NBEA: variants seen among roughly 807,000 people sequenced by gnomAD.
NBEA encodes the protein neurobeachin, also known as lysosomal-trafficking regulator 2.
NBEA carries 44 observed loss-of-function variants against 343.4 expected under a neutral mutation model. The ratio of observed to expected loss-of-function variants is 0.13; its 90% CI spans 0.10 to 0.16. The LOEUF (loss-of-function observed/expected upper bound fraction) is 0.16. Ranked by LOEUF, NBEA falls within the 10% of genes least tolerant of loss-of-function variation. NBEA has a pLI of 1.00. For missense variants in NBEA, 2,555 were observed against 3,631.3 expected (o/e 0.70, Z 7.62); for synonymous variants, 1,175 against 1,238.7 (o/e 0.95, Z 1.08).
intron 38 of NBEA, among the ~76,000 whole-genome samples, chr13:35,382,646 T>G (rs2042070889): frequency 6.6e-6 from 1 of 152,178 alleles, no homozygotes; most frequent in Non-Finnish European, 1.5e-5. Flanking sequence ...ATATGCACAG[T>G]GTTAATCTCT....
At chr13:35,430,481 G>A (rs2045030507) in intron 38 of NBEA, among the ~76,000 whole-genome samples, 1 of 151,930 alleles carries the variant, frequency 6.6e-6, no homozygotes, top group African/African-American at 2.4e-5. Flanking sequence ...TCTTTTTGTT[G>A]CACTTACTTC....
rs1382510245 is a variant in NBEA, at chr13:35,339,612, G to T, written c.5904-9496G>T. 2.0e-5 allele frequency among the ~76,000 whole-genome samples: 3 copies of T among 152,124 alleles called. No homozygotes were observed. In the East Asian group the frequency reaches 5.8e-4, roughly 30 times the overall value. The stretch of plus-strand genomic sequence containing the variant: ...GAAAAGAGGTTTAATTGGCTCTTCT[G>T]CAGGCTGTAAAGGAAGCATAATGCT... On this transcript the variant is annotated intron_variant, in intron 36 of 58. Coordinates refer to ENST00000379939, the MANE Select transcript of NBEA (RefSeq NM_001385012.1).
rs532047296 is a variant in NBEA at position 35,548,952 on chromosome 13, G to A, written c.6586-1525G>A. ...AATGGAACTTAATAGCCAGGGTCAT[G>A]TACTTTATGTTCTTTGTCTCTGCTT... On this transcript the variant is annotated intron_variant, in intron 41 of 58. Transcript: ENST00000379939. Among the ~76,000 whole-genome samples, 9 of 152,156 alleles carry A rather than the reference G, an allele frequency of 5.9e-5. No individual in the cohort carries two copies. In the South Asian group the frequency reaches 1.9e-3, roughly 32 times the overall value.
chr13:35,532,918 A>T (rs1392574322), intron 41 of NBEA, among the ~76,000 whole-genome samples: 1 of 152,078 alleles, frequency 6.6e-6, no homozygotes, highest in Non-Finnish European at 1.5e-5. Context: ...CTAAATATTC[A>T]TGTGCATAGC....
intron 38 of NBEA, among the ~76,000 whole-genome samples, chr13:35,420,349 G>T (rs1030677707): frequency 6.6e-6 from 1 of 151,900 alleles, no homozygotes; most frequent in Non-Finnish European, 1.5e-5. Context: ...GCTAAATTTT[G>T]TCAAATATCT....
At position 35,161,764 on chromosome 13, in the gene NBEA, G is replaced by A. The variant is rs1481433256; in HGVS notation, c.3876G>A (p.Arg1292=). ...TTTTTQAVQG[R]SITQQDRDLR... is the part of the protein sequence containing the mutation. ...TCCTTCTTTAGGCTGTGCAGGGTCG[G>A]TCTATCACCCAACAAGACCGAGATC... Residue 1292 remains arginine (R), a synonymous_variant, in exon 23 of 59, where the codon CGG becomes CGA. Transcript: ENST00000379939. 1.9e-6 allele frequency: 3 copies of A among 1,610,516 alleles called. No homozygotes were observed. In the African/African-American group the frequency reaches 4.0e-5, roughly 22 times the overall value.
chr13:35,079,797 C>A (rs2064292950), intron 10 of NBEA, among the ~76,000 whole-genome samples: 3 of 152,104 alleles, frequency 2.0e-5, no homozygotes, highest in Admixed American at 2.0e-4. Flanking sequence ...GGTTAGGTCA[C>A]TCACTACTAA....
At chr13:35,046,001 G>A (rs1168867248) in intron 4 of NBEA, among the ~76,000 whole-genome samples, 2 of 152,126 alleles carry the variant, frequency 1.3e-5, no homozygotes, top group Admixed American at 1.3e-4. Context: ...TGGGGTTACA[G>A]GTGTGAGCCA....
intron 1 of NBEA, among the ~76,000 whole-genome samples, chr13:35,020,590 T>A (rs1442384308): frequency 6.6e-6 from 1 of 152,174 alleles, no homozygotes; most frequent in East Asian, 1.9e-4. Context: ...ACGATCTTGC[T>A]TTACTGCAAC....
At chr13:35,374,026 A>C (rs2041599449) in intron 38 of NBEA, among the ~76,000 whole-genome samples, 1 of 152,202 alleles carries the variant, frequency 6.6e-6, no homozygotes, top group Admixed American at 6.5e-5. Context: ...AACTTGCTGC[A>C]GCTTCTACGT....
At chr13:34,995,500 C>CA (rs1277501954) in intron 1 of NBEA, among the ~76,000 whole-genome samples, 7 of 151,858 alleles carry the variant, frequency 4.6e-5, no homozygotes, top group Non-Finnish European at 8.8e-5. Flanking sequence ...ACAAACAAAC[C>CA]AAAAAACCCA....
chr13:35,597,613 C>G (rs916432598), intron 47 of NBEA, among the ~76,000 whole-genome samples: 1 of 152,098 alleles, frequency 6.6e-6, no homozygotes, highest in African/African-American at 2.4e-5. Context: ...TAGTCATTAA[C>G]CCTATTTTGT....
chr13:35,631,585 T>G (rs1247682295), intron 49 of NBEA, among the ~76,000 whole-genome samples: 1 of 141,406 alleles, frequency 7.1e-6, no homozygotes, highest in Non-Finnish European at 1.5e-5. Context: ...AATTAAACAC[T>G]AATTTAAAAA....
At chr13:35,426,168 G>A (rs1306842631) in intron 38 of NBEA, among the ~76,000 whole-genome samples, 1 of 152,122 alleles carries the variant, frequency 6.6e-6, no homozygotes, top group Non-Finnish European at 1.5e-5. Flanking sequence ...ATATCGTTAT[G>A]TGTGAATTTG....
intron 38 of NBEA, among the ~76,000 whole-genome samples, chr13:35,374,771 A>G (rs888685967): frequency 5.3e-5 from 8 of 152,168 alleles, no homozygotes; most frequent in Non-Finnish European, 8.8e-5. Context: ...GCATATTTCA[A>G]ACTAATAAAA....
intron 30 of NBEA, among the ~76,000 whole-genome samples, chr13:35,193,669 T>A (rs12875000): frequency 6.6e-6 from 1 of 152,042 alleles, no homozygotes; most frequent in South Asian, 2.1e-4. Flanking sequence ...ATTGACATTG[T>A]CTTGTCAAAT....
chr13:35,600,539 G>T (rs2082000221), intron 47 of NBEA, among the ~76,000 whole-genome samples: 1 of 151,894 alleles, frequency 6.6e-6, no homozygotes. Context: ...TTTGATCCGT[G>T]CCCCTAAAAA....
At chr13:35,176,317 G>A (rs764390554) in intron 27 of NBEA, among the ~76,000 whole-genome samples, 21 of 151,966 alleles carry the variant, frequency 1.4e-4, no homozygotes, top group Non-Finnish European at 2.5e-4. Context: ...GGCTGGAATT[G>A]TATTTTGCAT....
At chr13:34,992,214 GTGTGTATA>G (rs1374942196) in intron 1 of NBEA, among the ~76,000 whole-genome samples, 28 of 130,962 alleles carry the variant, frequency 2.1e-4, no homozygotes, top group African/African-American at 3.5e-4. Flanking sequence ...GTGTGTGTGT[GTGTGTATA>G]TGTGTGTGTG....
Sources: gnomAD v4.1 joint callset for allele counts (sites outside exome capture counted in the v4.1 genomes callset) on GRCh38, gnomAD v4.1.1 for gene constraint, MANE v1.5 for transcripts, NCBI Gene and HGNC (gene_info 2026-07-23, HGNC 2026-07-21) for gene names.